The following DNMBP variants were observed in gnomAD, a reference collection of about 807,000 sequenced individuals.
The protein encoded by DNMBP is dynamin binding protein.
A neutral mutation model predicts 150.0 loss-of-function variants in DNMBP; 87 were observed. The observed-to-expected ratio is 0.58, with a 90% CI of 0.49 to 0.69. DNMBP has a LOEUF of 0.69. DNMBP is among the 30% of genes least tolerant of loss of function. DNMBP has a pLI of 0.00. For synonymous variants in DNMBP, 711 were observed against 750.4 expected, an observed-to-expected ratio of 0.95 and a Z score of 0.86; for missense variants, 1,774 against 1,949.0, an observed-to-expected ratio of 0.91 and a Z score of 1.69.
intron 6 of DNMBP, among the ~76,000 whole-genome samples, chr10:99,905,475 T>C (rs1027134431): frequency 1.3e-5 from 2 of 152,154 alleles, no homozygotes; most frequent in African/African-American, 4.8e-5. Context: ...GCAGAGTGGG[T>C]CACACCTGTA....
intron 4 of DNMBP, among the ~76,000 whole-genome samples, chr10:99,943,846 C>G (rs1446600755): frequency 6.6e-6 from 1 of 152,184 alleles, no homozygotes; most frequent in Non-Finnish European, 1.5e-5. Context: ...CGTTATTGTT[C>G]CATATCAGTC....
intron 4 of DNMBP, among the ~76,000 whole-genome samples, chr10:99,947,557 C>T (rs912064571): frequency 1.5e-5 from 2 of 135,992 alleles, no homozygotes; most frequent in Non-Finnish European, 3.1e-5. Flanking sequence ...CTGGGGACTA[C>T]AGGACAATGG....
intron 1 of DNMBP, among the ~76,000 whole-genome samples, chr10:99,974,111 C>G (rs182452467): frequency 6.6e-6 from 1 of 151,940 alleles, no homozygotes; most frequent in Non-Finnish European, 1.5e-5. Flanking sequence ...CAACACAGCA[C>G]GACTTCACCT....
In DNMBP at chr10:99,883,105, T is replaced by C. The variant is rs564550759; in HGVS notation, c.3997+906A>G. Among the ~76,000 whole-genome samples the C allele has an allele frequency of 6.5e-4, 99 of 152,200 alleles. 2 individuals are homozygous for C. The South Asian group carries it at 0.018, about 28-fold the overall frequency. The stretch of plus-strand genomic sequence containing the variant: ...GACTATTCACACCAAAAGGATAAGT[T>C]ACAATTATAAATAGTCTCACATCAC... On this transcript the variant is annotated intron_variant, in intron 15 of 16. Transcript: ENST00000324109.
chr10:99,929,856 C>A (rs1160301989), intron 4 of DNMBP: 1 of 702,832 alleles, frequency 1.4e-6, no homozygotes, highest in Non-Finnish European at 2.6e-6. Flanking sequence ...TGCCTTTGTT[C>A]TTGGTATGTC....
At chr10:99,880,799 C>T (rs2039355202) in intron 15 of DNMBP, among the ~76,000 whole-genome samples, 1 of 152,290 alleles carries the variant, frequency 6.6e-6, no homozygotes, top group East Asian at 1.9e-4. Context: ...TGGAAAAGAC[C>T]GAGTTAAGAA....
intron 1 of DNMBP, among the ~76,000 whole-genome samples, chr10:99,985,690 T>C (rs565211567): frequency 6.6e-6 from 1 of 152,202 alleles, no homozygotes; most frequent in Non-Finnish European, 1.5e-5. Flanking sequence ...CAACTGCACA[T>C]TTCTCTTGTC....
Position 99,882,729 on chromosome 10 carries a change from G to A in DNMBP, c.3997+1282C>T, listed in dbSNP as rs780036673. Among the ~76,000 whole-genome samples the A allele has an allele frequency of 6.6e-5, 10 of 152,304 alleles. No individual in the cohort carries two copies. In the East Asian group the frequency reaches 1.3e-3, roughly 21 times the overall value. On this transcript the variant is annotated intron_variant, in intron 15 of 16. Transcript: ENST00000324109. ...GGAGATGTAGTCATCCACCCATGATGTGAGCAACCTCTTGGCTGAATCAGA... is the reference window on the plus strand; with the variant it reads ...GGAGATGTAGTCATCCACCCATGATATGAGCAACCTCTTGGCTGAATCAGA...
intron 1 of DNMBP, among the ~76,000 whole-genome samples, chr10:99,990,710 C>T (rs929546142): frequency 2.3e-4 from 35 of 150,088 alleles, no homozygotes; most frequent in Non-Finnish European, 4.6e-4. Context: ...CACATATATA[C>T]ACACATATAC....
intron 7 of DNMBP, 22 bp downstream of exon 7, chr10:99,899,897 G>A: frequency 6.2e-7 from 1 of 1,613,890 alleles, no homozygotes. Context: ...TGTAATGGAA[G>A]TTAAGTGGTC....
At chr10:99,919,397 C>T (rs1029179200) in intron 4 of DNMBP, among the ~76,000 whole-genome samples, 2 of 152,222 alleles carry the variant, frequency 1.3e-5, no homozygotes, top group African/African-American at 2.4e-5. Context: ...AGGCGGTTTA[C>T]TTTTATTCCT....
intron 1 of DNMBP, among the ~76,000 whole-genome samples, chr10:99,991,859 T>C (rs2040895871): frequency 6.7e-6 from 1 of 149,102 alleles, no homozygotes; most frequent in South Asian, 2.1e-4. Context: ...TGAGCCGAGA[T>C]TGCACCACTG....
rs1330433364 is a variant in DNMBP at position 99,944,864 on chromosome 10, A to T, written c.2260+10350T>A. 3.3e-5 allele frequency among the ~76,000 whole-genome samples: 5 copies of T among 152,224 alleles called. No individual in the cohort carries two copies. The East Asian group carries it at 9.6e-4, about 29-fold the overall frequency. ...AATACTGGACTTTTTATTTCCAATA[A>T]TTGAAGTCTACATTATTTGGATCAG... On this transcript the variant is annotated intron_variant, in intron 4 of 16. Coordinates refer to ENST00000324109, the MANE Select transcript of DNMBP (RefSeq NM_015221.4).
rs1283942079 is a variant in DNMBP, at chr10:99,929,638, C to G, written c.2261-20492G>C. 6 of 692,290 alleles carry G rather than the reference C, an allele frequency of 8.7e-6. No homozygotes were observed. The East Asian group carries it at 1.6e-4, about 19-fold the overall frequency. 42.9% of individuals were successfully genotyped at this position (692,290 alleles called of 1,614,324 possible). A position where few individuals can be genotyped will look rare whatever the true frequency, so the allele number is the denominator to read the frequency against. ...GTTTTCTTGCTGTTTTGCACGAACT[C>G]TGAGCGCCTCAGGGTGCTGGGTGCT... On this transcript the variant is annotated intron_variant, in intron 4 of 16. Coordinates refer to ENST00000324109, the MANE Select transcript of DNMBP (RefSeq NM_015221.4).
chr10:99,948,572 G>A (rs1197825663), intron 4 of DNMBP, among the ~76,000 whole-genome samples: 2 of 152,114 alleles, frequency 1.3e-5, no homozygotes, highest in Non-Finnish European at 2.9e-5. Context: ...CCACAAAAAT[G>A]AGAACCCATG....
chr10:99,944,585 C>T (rs946839385), intron 4 of DNMBP, among the ~76,000 whole-genome samples: 1 of 152,104 alleles, frequency 6.6e-6, no homozygotes, highest in Admixed American at 6.6e-5. Context: ...CCAGCGAGCA[C>T]ATCTATAATG....
Position 99,929,621 on chromosome 10 carries a change from G to C in DNMBP, c.2261-20475C>G, listed in dbSNP as rs7077718. The C allele has an allele frequency of 0.5, 336,565 of 676,142 alleles. 86,529 individuals are homozygous for C. The highest frequency in any genetic ancestry group is 0.62 in the African/African-American group (34,595 of 55,668). The allele number at this position is 676,142 out of a possible 1,614,324, so 41.9% of individuals were successfully genotyped here. On this transcript the variant is annotated intron_variant, in intron 4 of 16. Coordinates refer to ENST00000324109, the MANE Select transcript of DNMBP (RefSeq NM_015221.4). ...CTGAGTTCATACCTTGGGTTTTCTT[G>C]CTGTTTTGCACGAACTCTGAGCGCC...
At chr10:99,882,646 A>C (rs1296924607) in intron 15 of DNMBP, among the ~76,000 whole-genome samples, 1 of 152,132 alleles carries the variant, frequency 6.6e-6, no homozygotes, top group Non-Finnish European at 1.5e-5. Flanking sequence ...ACTAAAACTT[A>C]AAGTATCTCA....
intron 4 of DNMBP, among the ~76,000 whole-genome samples, chr10:99,943,677 C>A (rs2040327257): frequency 6.6e-6 from 1 of 152,182 alleles, no homozygotes; most frequent in Non-Finnish European, 1.5e-5. Context: ...AACTACCACA[C>A]ACAGGTATGA....
Sources: allele counts gnomAD v4.1 joint callset (sites outside exome capture counted in the v4.1 genomes callset), GRCh38; gene constraint gnomAD v4.1.1; transcripts MANE v1.5; gene names NCBI Gene and HGNC (gene_info 2026-07-23, HGNC 2026-07-21).